Variants in SYNE2 observed in about 807,000 individuals in gnomAD.
The protein encoded by SYNE2 is nesprin-2.
A neutral mutation model predicts 856.3 loss-of-function variants in SYNE2; 431 were observed. The ratio of observed to expected loss-of-function variants is 0.50; its 90% CI spans 0.47 to 0.55. SYNE2 has a LOEUF of 0.55. SYNE2 is among the 20% of genes least tolerant of loss of function. The pLI is 0.00. For synonymous variants in SYNE2, 2,923 were observed against 2,872.3 expected (o/e 1.02, Z -0.56); for missense variants, 8,129 against 8,023.2 (o/e 1.01, Z -0.50).
chr14:64,167,140 A>C lies in SYNE2; in HGVS notation c.16606-93A>C, dbSNP rs2098384448. ...CAAGTCATTTGCCTGTTCAGGCCCC[A>C]GTTTTCCTTTATCTTTGAGGTAAGG... On this transcript the variant is annotated intron_variant, in intron 90 of 115. Coordinates refer to ENST00000555002, the MANE Select transcript of SYNE2 (RefSeq NM_182914.3). The C allele has an allele frequency of 1.9e-6, 3 of 1,541,730 alleles. No individual in the cohort carries two copies. In the South Asian group the frequency reaches 3.4e-5, roughly 18 times the overall value.
At chr14:64,013,963 A>C (rs1031343568) in intron 32 of SYNE2, among the ~76,000 whole-genome samples, 1 of 152,110 alleles carries the variant, frequency 6.6e-6, no homozygotes, top group African/African-American at 2.4e-5. Flanking sequence ...TGTCACCACA[A>C]GGATTCTTGT....
chr14:64,140,816 A>G (rs560190581), intron 80 of SYNE2, among the ~76,000 whole-genome samples: 1 of 152,176 alleles, frequency 6.6e-6, no homozygotes, highest in South Asian at 2.1e-4. Context: ...ATAAAAATGT[A>G]TTACTCTTGT....
At chr14:63,855,169 C>G (rs1351026957) in intron 1 of SYNE2, among the ~76,000 whole-genome samples, 1 of 151,988 alleles carries the variant, frequency 6.6e-6, no homozygotes, top group Non-Finnish European at 1.5e-5. Context: ...TGAGTACCTA[C>G]AATGTATTGT....
intron 8 of SYNE2, among the ~76,000 whole-genome samples, chr14:63,958,396 G>A (rs898242156): frequency 4.6e-5 from 7 of 152,070 alleles, no homozygotes; most frequent in Non-Finnish European, 1.5e-5. Flanking sequence ...AGAGATTACT[G>A]GTTAGGTATT....
rs754429236 is a variant in SYNE2 at position 64,208,748 on chromosome 14, G to A, written c.18202-10G>A. The A allele has an allele frequency of 1.2e-6, 2 of 1,614,208 alleles. No homozygotes were observed. The highest frequency in any genetic ancestry group is 3.3e-5 in the Admixed American group (2 of 60,034). On this transcript the variant is annotated splice_polypyrimidine_tract_variant and intron_variant, in intron 100 of 115. Transcript: ENST00000555002. ...ATCTCAAGAGGTTTCTTACTCTGTT[G>A]TAATCACAGGATCTACAGCGAGATA...
chr14:64,225,480 C>G lies in SYNE2; in HGVS notation c.20678C>G (p.Ser6893Cys), dbSNP rs928786066. ...ACTCAGGCCAACAACTTTGCCCGGT[C>G]CTTTTACCCCATGCTGAGGTACACC... ...SCTQANNFAR[S>C]FYPMLRYTNG... The change falls in exon 116 of 116, where the codon TCC becomes TGC. Residue 6893 changes from serine (S) to cysteine (C), a missense_variant. Physicochemically the swap from Ser to Cys is moderately radical, Grantham distance 112. Coordinates refer to ENST00000555002, the MANE Select transcript of SYNE2 (RefSeq NM_182914.3). 1 of 1,614,236 alleles carries G rather than the reference C, an allele frequency of 6.2e-7. No individual in the cohort carries two copies. The highest frequency in any genetic ancestry group is 8.5e-7 in the Non-Finnish European group (1 of 1,180,038).
chr14:64,035,611 T>C (rs2097081759), intron 45 of SYNE2, among the ~76,000 whole-genome samples: 1 of 146,150 alleles, frequency 6.8e-6, no homozygotes, highest in East Asian at 2.1e-4. Flanking sequence ...ACCTTAGAAA[T>C]TGTCTAACGT....
chr14:63,983,618 CTG>C, intron 17 of SYNE2, 117 bp from the exon 18 acceptor site: 1 of 826,732 alleles, frequency 1.2e-6, no homozygotes. Flanking sequence ...TTTTATAACA[CTG>C]TTGTAGTTTA....
intron 1 of SYNE2, among the ~76,000 whole-genome samples, chr14:63,829,343 A>T (rs572103475): frequency 1.4e-4 from 22 of 151,916 alleles, no homozygotes; most frequent in Non-Finnish European, 3.1e-4. Flanking sequence ...CTTGAGCCCA[A>T]GTGGTCAAGG....
At chr14:64,155,112 C>A (rs940159264) in intron 85 of SYNE2, among the ~76,000 whole-genome samples, 1 of 152,194 alleles carries the variant, frequency 6.6e-6, no homozygotes, top group Non-Finnish European at 1.5e-5. Flanking sequence ...CAGTTCTACT[C>A]CTCCATAGAT....
chr14:64,157,707 G>A (rs889534046), intron 85 of SYNE2, among the ~76,000 whole-genome samples: 3 of 152,208 alleles, frequency 2.0e-5, no homozygotes, highest in African/African-American at 7.2e-5. Context: ...AGCAATGTAT[G>A]AGGATTCCAG....
rs1316995826 is a variant in SYNE2 at position 64,113,527 on chromosome 14, G to T, written c.12796G>T (p.Ala4266Ser). ...NVAVEPETLN[A>S]DMQQVLEQQL... ...GGCAGTTGAGCCGGAAACATTAAAC[G>T]CAGACATGCAGCAGGTGCTGGAACA... Residue 4266 changes from alanine to serine, a missense_variant, in exon 66 of 116, where the codon GCA (alanine) becomes TCA (serine). Ala to Ser is a moderately conservative substitution (Grantham distance 99). Around this residue, in one of 3 missense-constraint regions of SYNE2, gnomAD observed 5,410 missense variants for 5,284.8 expected, o/e 1.02. Coordinates refer to ENST00000555002, the MANE Select transcript of SYNE2 (RefSeq NM_182914.3). 6.2e-7 allele frequency: 1 copy of T among 1,613,370 alleles called. No homozygotes were observed. Among genetic ancestry groups the T allele is most frequent in the South Asian group, 1.1e-5 (1 of 90,910 alleles).
chr14:63,971,116 T>G (rs2096470038), intron 11 of SYNE2, among the ~76,000 whole-genome samples: 1 of 137,992 alleles, frequency 7.2e-6, no homozygotes, highest in African/African-American at 2.8e-5. Flanking sequence ...TTAGAGGTTT[T>G]TTGGTTTTTT....
Position 63,997,061 on chromosome 14 carries a change from C to T in SYNE2, c.3055C>T (p.Leu1019Phe), listed in dbSNP as rs760564504. 3.1e-6 allele frequency: 5 copies of T among 1,613,876 alleles called. No individual in the cohort carries two copies. The highest frequency in any genetic ancestry group is 4.2e-6 in the Non-Finnish European group (5 of 1,179,954). ...GAGTCAACAAGAAGTGAAGAGACTA[C>T]TCAAAGATTATGAACAAAAGATAGA... ...QKSQQEVKRLLKDYEQKIERL... is the reference protein window; with the variant it reads ...QKSQQEVKRLFKDYEQKIERL... Residue 1019 changes from leucine (L) to phenylalanine (F), a missense_variant, in exon 24 of 116, where the codon CTC becomes TTC. By Grantham distance (22) the Leu-to-Phe change is conservative. This residue lies in a region of SYNE2 where 2,422 missense variants were observed against 2,357.4 expected (regional missense o/e 1.03). Transcript: ENST00000555002.
At chr14:63,920,387 C>T (rs2095585770) in intron 2 of SYNE2, among the ~76,000 whole-genome samples, 1 of 151,346 alleles carries the variant, frequency 6.6e-6, no homozygotes, top group Middle Eastern at 3.4e-3. Flanking sequence ...ATGCTGCGGG[C>T]AGGAGAGGCC....
At chr14:64,013,622 G>A (rs1317126654) in intron 32 of SYNE2, among the ~76,000 whole-genome samples, 1 of 152,118 alleles carries the variant, frequency 6.6e-6, no homozygotes, top group Non-Finnish European at 1.5e-5. Context: ...ATGGCTTCTA[G>A]TTCCACCTGT....
At chr14:64,115,882 G>T (rs188951168) in intron 66 of SYNE2, among the ~76,000 whole-genome samples, 3 of 148,412 alleles carry the variant, frequency 2.0e-5, no homozygotes, top group Admixed American at 1.3e-4. Flanking sequence ...GACCAGGAGT[G>T]GTGGCTCACG....
intron 45 of SYNE2, among the ~76,000 whole-genome samples, chr14:64,034,073 A>C (rs2097064987): frequency 1.3e-5 from 2 of 152,228 alleles, no homozygotes; most frequent in South Asian, 4.1e-4. Context: ...CAACTAGCAA[A>C]AGAGATCAGA....
intron 2 of SYNE2, among the ~76,000 whole-genome samples, chr14:63,915,262 A>T (rs1175842929): frequency 6.6e-6 from 1 of 152,254 alleles, no homozygotes; most frequent in African/African-American, 2.4e-5. Flanking sequence ...TTTGAAAGTC[A>T]TAGTAACAAG....
Sources: gnomAD v4.1 joint callset for allele counts (sites outside exome capture counted in the v4.1 genomes callset) on GRCh38, gnomAD v4.1.1 for gene constraint, gnomAD v4.1.1 regional missense constraint, MANE v1.5 for transcripts, NCBI Gene and HGNC (gene_info 2026-07-23, HGNC 2026-07-21) for gene names.